AGBL3: variants seen among roughly 807,000 people sequenced by gnomAD.
AGBL3 encodes the protein cytosolic carboxypeptidase 3.
A neutral mutation model predicts 94.5 loss-of-function variants in AGBL3; 68 were observed. That is an observed-to-expected ratio of 0.72 (90% confidence interval 0.59 to 0.88). The LOEUF (loss-of-function observed/expected upper bound fraction) is 0.88. AGBL3 is among the 40% of genes least tolerant of loss of function. The pLI is 0.00. For synonymous variants in AGBL3, 354 were observed against 370.7 expected, an observed-to-expected ratio of 0.95 and a Z score of 0.52; for missense variants, 934 against 1,103.8, an observed-to-expected ratio of 0.85 and a Z score of 2.18.
At position 135,115,348 on chromosome 7, in the gene AGBL3, T is replaced by C. The variant is rs1426515666; in HGVS notation, c.2111-32T>C. On this transcript the variant is annotated intron_variant, in intron 15 of 16. Coordinates refer to ENST00000436302, the MANE Select transcript of AGBL3 (RefSeq NM_178563.4). Reference sequence around the variant, plus strand: ...TAAGTAATTGTGAATAGAGTTCATATCTCTGTACATATTTTTGTGGTTGCT... The same window carrying C: ...TAAGTAATTGTGAATAGAGTTCATACCTCTGTACATATTTTTGTGGTTGCT... 2.9e-6 allele frequency: 4 copies of C among 1,369,176 alleles called. No individual in the cohort carries two copies. In the African/African-American group the frequency reaches 4.4e-5, roughly 15 times the overall value. The allele number at this position is 1,369,176 out of a possible 1,614,324, so 84.8% of individuals were successfully genotyped here.
At chr7:135,067,329 C>T (rs764829331) in intron 12 of AGBL3, among the ~76,000 whole-genome samples, 33 of 152,348 alleles carry the variant, frequency 2.2e-4, no homozygotes, top group Non-Finnish European at 3.5e-4. Flanking sequence ...CATAGCCAAA[C>T]GAAAGGCAGC....
chr7:135,073,850 G>A (rs1021765000), intron 12 of AGBL3, among the ~76,000 whole-genome samples: 1 of 152,088 alleles, frequency 6.6e-6, no homozygotes, highest in African/African-American at 2.4e-5. Flanking sequence ...TAACTACCAG[G>A]CCCAGGGTGC....
Position 135,034,423 on chromosome 7 carries a change from TTC to T in AGBL3, c.838_839del (p.Leu280TyrfsTer35). 1 of 1,551,718 alleles carries T rather than the reference TTC, an allele frequency of 6.4e-7. No homozygotes were observed. Among genetic ancestry groups the T allele is most frequent in the Non-Finnish European group, 8.7e-7 (1 of 1,146,994 alleles). ...NNPGQDGRHY[F>X]SLTWTFQFPH... is the part of the protein sequence containing the mutation. ...CCCAGGCCAAGATGGGCGCCATTATTTCTCTCTTACATGGACATTTCAATTTC... is the reference window on the plus strand; with the variant it reads ...CCCAGGCCAAGATGGGCGCCATTATTTCTCTTACATGGACATTTCAATTTC... On this transcript the variant is annotated frameshift_variant, in exon 7 of 17. Coordinates refer to ENST00000436302, the MANE Select transcript of AGBL3 (RefSeq NM_178563.4). LOFTEE classifies it high-confidence loss of function.
rs1162392379 is a variant in AGBL3 at position 135,128,849 on chromosome 7, G to A, written c.2343-5992G>A. ...GCTGTGTGCAGGATGTGGAATCATT[G>A]TTAAATATGATCCAGGAAATCTTGG... On this transcript the variant is annotated intron_variant, in intron 16 of 16. Transcript: ENST00000436302. The A allele has an allele frequency of 2.1e-5, 25 of 1,218,062 alleles. No homozygotes were observed. The East Asian group carries it at 4.4e-4, about 22-fold the overall frequency. 75.5% of individuals were successfully genotyped at this position (1,218,062 alleles called of 1,614,324 possible).
chr7:135,101,983 C>G (rs1008812981), intron 15 of AGBL3, among the ~76,000 whole-genome samples: 2 of 152,210 alleles, frequency 1.3e-5, no homozygotes, highest in African/African-American at 2.4e-5. Context: ...CTCTCATTCT[C>G]TCTTGCCTGC....
At chr7:135,131,857 G>T (rs1202740220) in intron 16 of AGBL3, among the ~76,000 whole-genome samples, 1 of 151,882 alleles carries the variant, frequency 6.6e-6, no homozygotes, top group African/African-American at 2.4e-5. Flanking sequence ...AATGAAACAG[G>T]ATATCACTAA....
Position 135,037,525 on chromosome 7 carries a change from T to G in AGBL3, c.1445T>G (p.Leu482Ter). The G allele has an allele frequency of 6.5e-7, 1 of 1,546,878 alleles. No individual in the cohort carries two copies. The highest frequency in any genetic ancestry group is 8.7e-7 in the Non-Finnish European group (1 of 1,144,716). Residue 482 changes from leucine to a stop codon, truncating the protein, a stop_gained, in exon 8 of 17, where the codon TTA becomes TGA. Transcript: ENST00000436302. LOFTEE classifies it high-confidence loss of function. The part of the protein sequence containing the change: ...GCDGSDRSKT[L>*]YLQQRIFPLM... ...GATGGTAGTGACAGATCTAAGACAT[T>G]ATACTTACAGCAACGAATCTTCCCA...
intron 4 of AGBL3, among the ~76,000 whole-genome samples, chr7:135,005,235 G>A (rs1812235917): frequency 2.0e-5 from 3 of 151,492 alleles, no homozygotes; most frequent in Admixed American, 2.0e-4. Context: ...TTCCTTTTTA[G>A]TTTTGAGGTA....
chr7:135,014,490 C>A (rs1395553859), intron 4 of AGBL3, among the ~76,000 whole-genome samples: 1 of 152,068 alleles, frequency 6.6e-6, no homozygotes, highest in Non-Finnish European at 1.5e-5. Context: ...AATCTGAGAA[C>A]AGATAACAAG....
rs142947711 is a variant in AGBL3, at chr7:135,015,309, G to A, written c.311-1743G>A. Among the ~76,000 whole-genome samples the A allele has an allele frequency of 2.3e-3, 346 of 152,212 alleles. 1 individual carries two copies. The highest frequency in any genetic ancestry group is 7.6e-3 in the African/African-American group (317 of 41,534). On this transcript the variant is annotated intron_variant, in intron 4 of 16. Transcript: ENST00000436302. ...GACATAAAACGTTTATGCAGTAGAC[G>A]TATATTACATTATTTACATTTAAGG...
intron 15 of AGBL3, among the ~76,000 whole-genome samples, chr7:135,082,832 T>C (rs1821031914): frequency 6.6e-6 from 1 of 152,262 alleles, no homozygotes; most frequent in South Asian, 2.1e-4. Flanking sequence ...AATACATATA[T>C]GTATGTGTAT....
intron 9 of AGBL3, 78 bp downstream of exon 9, chr7:135,044,229 C>A: frequency 3.0e-6 from 4 of 1,351,370 alleles, no homozygotes; most frequent in Non-Finnish European, 3.9e-6. Context: ...TGTAACAGTA[C>A]AGACAATAGT....
chr7:134,991,431 TTTTG>T (rs979572226), intron 3 of AGBL3, among the ~76,000 whole-genome samples: 1 of 149,150 alleles, frequency 6.7e-6, no homozygotes, highest in African/African-American at 2.6e-5. Flanking sequence ...AAGGAATTTT[TTTTG>T]TTTGTTTTCT....
chr7:135,007,740 A>G (rs1446947610), intron 4 of AGBL3, among the ~76,000 whole-genome samples: 1 of 152,040 alleles, frequency 6.6e-6, no homozygotes, highest in Non-Finnish European at 1.5e-5. Context: ...CCAATAAAAT[A>G]ATTTTGTACA....
chr7:135,106,033 G>A (rs1049089476), intron 15 of AGBL3, among the ~76,000 whole-genome samples: 4 of 151,908 alleles, frequency 2.6e-5, no homozygotes, highest in African/African-American at 2.4e-5. Flanking sequence ...TTTGGCTCTC[G>A]GTTAGGCTGT....
intron 5 of AGBL3, among the ~76,000 whole-genome samples, chr7:135,021,326 C>G (rs955917440): frequency 4.7e-5 from 7 of 148,782 alleles, no homozygotes; most frequent in Admixed American, 2.7e-4. Flanking sequence ...GAGTCTCGCT[C>G]TGTTACCCAG....
At chr7:135,066,425 G>A (rs1584986296) in intron 12 of AGBL3, among the ~76,000 whole-genome samples, 1 of 152,284 alleles carries the variant, frequency 6.6e-6, no homozygotes, top group Non-Finnish European at 1.5e-5. Context: ...AAACCACAAT[G>A]AGATATCATC....
intron 4 of AGBL3, among the ~76,000 whole-genome samples, chr7:135,015,756 T>G (rs1478156896): frequency 6.6e-6 from 1 of 151,654 alleles, no homozygotes; most frequent in Non-Finnish European, 1.5e-5. Flanking sequence ...GGCTCACGCC[T>G]GTAATCCCAG....
chr7:135,049,147 A>T (rs1392711655), intron 11 of AGBL3, among the ~76,000 whole-genome samples: 1 of 151,792 alleles, frequency 6.6e-6, no homozygotes, highest in Admixed American at 6.6e-5. Flanking sequence ...AAGGATGTTG[A>T]ATTTTGTCAG....
Sources: gnomAD v4.1 joint callset for allele counts (sites outside exome capture counted in the v4.1 genomes callset) on GRCh38, gnomAD v4.1.1 for gene constraint, MANE v1.5 for transcripts, NCBI Gene and HGNC (gene_info 2026-07-23, HGNC 2026-07-21) for gene names.